THRB: variants seen among roughly 807,000 people sequenced by gnomAD.
The protein encoded by THRB is nuclear receptor subfamily 1 group A member 2.
A neutral mutation model predicts 47.8 loss-of-function variants in THRB; 12 were observed. That is an observed-to-expected ratio of 0.25 (90% confidence interval 0.16 to 0.41). The LOEUF (loss-of-function observed/expected upper bound fraction) is 0.41, where lower values mean the gene tolerates loss of function less well. Among genes scored for constraint, THRB ranks in the 10% least tolerant of loss-of-function variants. The pLI, the probability that THRB is intolerant of heterozygous loss-of-function variation, is 1.00. For missense variants in THRB, 348 were observed against 589.2 expected (o/e 0.59, Z 4.24); for synonymous variants, 218 against 212.2 (o/e 1.03, Z -0.24).
At chr3:24,417,542 G>A (rs2068865734) in intron 1 of THRB, among the ~76,000 whole-genome samples, 1 of 151,856 alleles carries the variant, frequency 6.6e-6, no homozygotes, top group African/African-American at 2.4e-5. Flanking sequence ...CTTCTCTAAT[G>A]ATATCTCATC....
At chr3:24,341,317 C>T (rs2062636676) in intron 1 of THRB, among the ~76,000 whole-genome samples, 1 of 148,494 alleles carries the variant, frequency 6.7e-6, no homozygotes, top group African/African-American at 2.5e-5. Flanking sequence ...CTGACACTTC[C>T]ACTTCCTGGC....
At chr3:24,299,022 C>T (rs1399215203) in intron 2 of THRB, among the ~76,000 whole-genome samples, 7 of 151,768 alleles carry the variant, frequency 4.6e-5, no homozygotes, top group Admixed American at 2.0e-4. Context: ...CCCAGGCGGG[C>T]GGATCACGAG....
chr3:24,305,945 G>A (rs1349475675), intron 2 of THRB, among the ~76,000 whole-genome samples: 1 of 152,128 alleles, frequency 6.6e-6, no homozygotes, highest in Non-Finnish European at 1.5e-5. Context: ...AGAAATCTGA[G>A]TCTATCTCCT....
chr3:24,182,070 G>A (rs1260590078), intron 5 of THRB, among the ~76,000 whole-genome samples: 4 of 152,046 alleles, frequency 2.6e-5, no homozygotes, highest in East Asian at 1.9e-4. Flanking sequence ...GCGTGGTGGC[G>A]GGCGCCTGTA....
chr3:24,427,149 T>C, intron 1 of THRB, among the ~76,000 whole-genome samples: 1 of 151,976 alleles, frequency 6.6e-6, no homozygotes, highest in Non-Finnish European at 1.5e-5. Context: ...TGTATCTCCA[T>C]TGATTGTACA....
At chr3:24,408,627 G>T (rs2068023064) in intron 1 of THRB, among the ~76,000 whole-genome samples, 1 of 151,756 alleles carries the variant, frequency 6.6e-6, no homozygotes, top group Non-Finnish European at 1.5e-5. Flanking sequence ...CTTTTTGACA[G>T]ATTTTCTGTG....
intron 5 of THRB, among the ~76,000 whole-genome samples, chr3:24,153,652 C>T (rs113084209): frequency 6.5e-4 from 99 of 152,218 alleles, no homozygotes; most frequent in Non-Finnish European, 1.1e-3. Context: ...GAGAGGATGC[C>T]CAGACACAAG....
intron 5 of THRB, among the ~76,000 whole-genome samples, chr3:24,178,136 T>C (rs538412175): frequency 6.6e-6 from 1 of 152,270 alleles, no homozygotes; most frequent in African/African-American, 2.4e-5. Flanking sequence ...CTTTAGAAAA[T>C]ATACTTTCTT....
chr3:24,220,475 AGT>A (rs1284566004), intron 4 of THRB, among the ~76,000 whole-genome samples: 10 of 152,302 alleles, frequency 6.6e-5, no homozygotes, highest in African/African-American at 2.2e-4. Flanking sequence ...TGGGCCACAG[AGT>A]GAGACCCTGT....
intron 1 of THRB, among the ~76,000 whole-genome samples, chr3:24,491,655 A>T (rs982138368): frequency 1.2e-4 from 19 of 152,192 alleles, no homozygotes; most frequent in Admixed American, 3.3e-4. Context: ...TTGCAGCCCA[A>T]ATTGTACCAC....
In THRB at chr3:24,146,805, G is replaced by T; in HGVS notation, c.402C>A (p.Thr134=). ...CEGCKGFFRR[T]IQKNLHPSYS... ...AGGATGGATGGAGATTTTTCTGAATGGTTCTTCTAAAGAAACCCTATATGA... is the reference window on the plus strand; with the variant it reads ...AGGATGGATGGAGATTTTTCTGAATTGTTCTTCTAAAGAAACCCTATATGA... Residue 134 remains threonine (T), a synonymous_variant, in exon 7 of 11, where the codon ACC becomes ACA. Transcript: ENST00000646209. 1 of 1,613,830 alleles carries T rather than the reference G, an allele frequency of 6.2e-7. No homozygotes were observed. Among genetic ancestry groups the T allele is most frequent in the Non-Finnish European group, 8.5e-7 (1 of 1,179,800 alleles).
intron 2 of THRB, among the ~76,000 whole-genome samples, chr3:24,335,956 G>T (rs2062222550): frequency 6.6e-6 from 1 of 152,162 alleles, no homozygotes; most frequent in Non-Finnish European, 1.5e-5. Context: ...GACTGGGGTT[G>T]CAGGAGCCTT....
chr3:24,376,398 T>C (rs1370518868), intron 1 of THRB, among the ~76,000 whole-genome samples: 1 of 152,122 alleles, frequency 6.6e-6, no homozygotes, highest in Non-Finnish European at 1.5e-5. Flanking sequence ...GTGGCAGATA[T>C]GGTAGGAATT....
rs191909476 is a variant in THRB at position 24,470,118 on chromosome 3, T to G, written c.-261+24534A>C. ...GATAGGTTTTGTTACCCTTGAGTCA[T>G]GTGACTCACACTAACTTTACCCACT... On this transcript the variant is annotated intron_variant, in intron 1 of 10. Coordinates refer to ENST00000646209, the MANE Select transcript of THRB (RefSeq NM_001354712.2). Among the ~76,000 whole-genome samples, 170 of 152,344 alleles carry G rather than the reference T, an allele frequency of 1.1e-3. 5 individuals are homozygous for G. The highest frequency in any genetic ancestry group is 9.9e-3 in the Admixed American group (152 of 15,300).
At chr3:24,357,068 T>C (rs1303577000) in intron 1 of THRB, among the ~76,000 whole-genome samples, 3 of 151,476 alleles carry the variant, frequency 2.0e-5, no homozygotes, top group Non-Finnish European at 4.4e-5. Context: ...TAACTAAAAA[T>C]GTAAAGGCTC....
intron 1 of THRB, among the ~76,000 whole-genome samples, chr3:24,453,704 C>T (rs2072894950): frequency 6.6e-6 from 1 of 152,194 alleles, no homozygotes; most frequent in East Asian, 1.9e-4. Context: ...ATTCAAACTC[C>T]TTAATGTGGT....
intron 1 of THRB, among the ~76,000 whole-genome samples, chr3:24,399,728 T>C (rs768868846): frequency 6.6e-6 from 1 of 152,130 alleles, no homozygotes; most frequent in Non-Finnish European, 1.5e-5. Flanking sequence ...TTCTCATTTA[T>C]AGAAACAAAC....
intron 3 of THRB, among the ~76,000 whole-genome samples, chr3:24,272,295 G>T (rs2053421601): frequency 1.3e-5 from 2 of 152,036 alleles, no homozygotes; most frequent in African/African-American, 4.8e-5. Flanking sequence ...ACAGTGAGTA[G>T]TGATCGCACC....
intron 1 of THRB, among the ~76,000 whole-genome samples, chr3:24,436,486 C>G (rs755356676): frequency 6.6e-6 from 1 of 152,172 alleles, no homozygotes; most frequent in South Asian, 2.1e-4. Context: ...CACACACACA[C>G]ACAAATGCAC....
Sources: allele counts gnomAD v4.1 joint callset (sites outside exome capture counted in the v4.1 genomes callset), GRCh38; gene constraint gnomAD v4.1.1; transcripts MANE v1.5; gene names NCBI Gene and HGNC (gene_info 2026-07-23, HGNC 2026-07-21).